TAMM41: variants seen among roughly 807,000 people sequenced by gnomAD.
The protein encoded by TAMM41 is phosphatidate cytidylyltransferase, mitochondrial.
In TAMM41, 36 loss-of-function variants were observed where a neutral mutation model predicts 44.1. The observed-to-expected ratio is 0.82, with a 90% CI of 0.63 to 1.08. The LOEUF (loss-of-function observed/expected upper bound fraction) is 1.08. Ranked by LOEUF, TAMM41 falls within the 50% of genes least tolerant of loss-of-function variation. The pLI is 0.00. For missense variants in TAMM41, 417 were observed against 404.3 expected (o/e 1.03, Z -0.27); for synonymous variants, 164 against 153.1 (o/e 1.07, Z -0.53).
At chr3:11,809,482 C>G (rs199799633) in intron 6 of TAMM41, 35 bp downstream of exon 6, 2 of 1,610,010 alleles carry the variant, frequency 1.2e-6, no homozygotes, top group East Asian at 4.5e-5. Context: ...TTCCCCATGG[C>G]TGGCATTTCC....
At chr3:11,781,463 G>A in the TAMM41 span, among the ~76,000 whole-genome samples, 20 of 152,148 alleles carry the variant, frequency 1.3e-4, no homozygotes, top group Middle Eastern at 3.4e-3. Flanking sequence ...GGTCAGGTGC[G>A]GTGGCTCACA....
the TAMM41 span, among the ~76,000 whole-genome samples, chr3:11,749,706 G>A: frequency 1.3e-5 from 2 of 152,152 alleles, no homozygotes; most frequent in African/African-American, 4.8e-5. Flanking sequence ...ATATGAAGCG[G>A]AAGGGAGGGC....
intron 3 of TAMM41, among the ~76,000 whole-genome samples, chr3:11,834,465 G>A (rs767336403): frequency 2.0e-4 from 30 of 151,966 alleles, no homozygotes; most frequent in Non-Finnish European, 3.2e-4. Flanking sequence ...TACTTTAGAG[G>A]TTTCTTGGCT....
At chr3:11,843,368 G>C (rs2079534191) in intron 2 of TAMM41, among the ~76,000 whole-genome samples, 1 of 151,552 alleles carries the variant, frequency 6.6e-6, no homozygotes, top group East Asian at 1.9e-4. Flanking sequence ...CAATCTGTGT[G>C]TCCAATGGAC....
chr3:11,787,851 T>G (rs978935210), downstream of TAMM41, among the ~76,000 whole-genome samples: 1 of 152,220 alleles, frequency 6.6e-6, no homozygotes, highest in Admixed American at 6.5e-5. Context: ...TTGAGCCTTC[T>G]GGAATGAGAA....
At chr3:11,818,440 T>C (rs944804568) in intron 4 of TAMM41, among the ~76,000 whole-genome samples, 1 of 152,224 alleles carries the variant, frequency 6.6e-6, no homozygotes, top group South Asian at 2.1e-4. Context: ...TGGATTTTCC[T>C]AGTGCAAACT....
At chr3:11,802,127 A>G (rs2077772828) in intron 7 of TAMM41, among the ~76,000 whole-genome samples, 1 of 152,168 alleles carries the variant, frequency 6.6e-6, no homozygotes, top group African/African-American at 2.4e-5. Context: ...CTGAGGTGGG[A>G]GGATTGCTTA....
rs2077452653 is a variant in TAMM41 at position 11,790,518 on chromosome 3, C to G, written c.1001G>C (p.Arg334Thr). Residue 334 changes from arginine to threonine, a missense_variant, in exon 8 of 8, where the codon AGG becomes ACG. Coordinates refer to ENST00000455809, the MANE Select transcript of TAMM41 (RefSeq NM_001284401.2). ...AAGCAAGCAAAATCAGGATGTTTTC[C>G]TCAGCCACCCTTTCCACATTTTGTG... ...KLHKMWKGWL[R>T]KTS The G allele has an allele frequency of 6.2e-7, 1 of 1,613,942 alleles. No homozygotes were observed. Among genetic ancestry groups the G allele is most frequent in the African/African-American group, 1.3e-5 (1 of 74,932 alleles).
the TAMM41 span, among the ~76,000 whole-genome samples, chr3:11,744,879 T>TC: frequency 6.6e-5 from 10 of 151,164 alleles, no homozygotes; most frequent in Non-Finnish European, 1.0e-4. Flanking sequence ...ATTTTTTTTT[T>TC]TTGAGATGGA....
chr3:11,773,042 C>T, the TAMM41 span, among the ~76,000 whole-genome samples: 5 of 152,058 alleles, frequency 3.3e-5, no homozygotes, highest in African/African-American at 9.7e-5. Flanking sequence ...CTGCAACCTT[C>T]GCCTCCCGGG....
chr3:11,815,941 A>G (rs752750539), intron 5 of TAMM41, among the ~76,000 whole-genome samples: 18 of 152,232 alleles, frequency 1.2e-4, no homozygotes, highest in Non-Finnish European at 2.1e-4. Context: ...AACTTGAGGT[A>G]TCATTTGGCT....
intron 1 of TAMM41, 109 bp from the exon 2 acceptor site, chr3:11,844,320 G>T: frequency 3.0e-6 from 3 of 1,010,080 alleles, no homozygotes; most frequent in African/African-American, 1.6e-5. Context: ...TAGTCAGAAG[G>T]CCTGGTGCTG....
At chr3:11,768,500 C>T in the TAMM41 span, among the ~76,000 whole-genome samples, 3 of 152,198 alleles carry the variant, frequency 2.0e-5, no homozygotes, top group Non-Finnish European at 4.4e-5. Context: ...GTATTTCCCA[C>T]AATTTTATGT....
chr3:11,731,484 C>G, the TAMM41 span, among the ~76,000 whole-genome samples: 1 of 152,004 alleles, frequency 6.6e-6, no homozygotes, highest in Non-Finnish European at 1.5e-5. Context: ...GACGGAGACC[C>G]TGTCTCTACA....
chr3:11,739,852 C>T, the TAMM41 span, among the ~76,000 whole-genome samples: 1 of 152,036 alleles, frequency 6.6e-6, no homozygotes, highest in Non-Finnish European at 1.5e-5. Flanking sequence ...TTGTTTCTTT[C>T]CCCCGGCTTC....
At chr3:11,844,630 C>G (rs1216172084) in intron 1 of TAMM41, among the ~76,000 whole-genome samples, 1 of 152,234 alleles carries the variant, frequency 6.6e-6, no homozygotes, top group Non-Finnish European at 1.5e-5. Context: ...CACTGCACTA[C>G]ACTGCCTTTC....
chr3:11,821,616 G>C (rs1268548312), intron 4 of TAMM41, among the ~76,000 whole-genome samples: 1 of 152,244 alleles, frequency 6.6e-6, no homozygotes, highest in Non-Finnish European at 1.5e-5. Flanking sequence ...TAAGGTATTA[G>C]AGAATGCTTT....
the TAMM41 span, among the ~76,000 whole-genome samples, chr3:11,737,993 C>T: frequency 2.0e-5 from 3 of 152,198 alleles, no homozygotes; most frequent in Non-Finnish European, 2.9e-5. Flanking sequence ...ACTGCTGCTG[C>T]TCTTATGTCA....
At chr3:11,723,136 A>AAT in the TAMM41 span, among the ~76,000 whole-genome samples, 2 of 151,880 alleles carry the variant, frequency 1.3e-5, no homozygotes, top group African/African-American at 4.8e-5. Context: ...AATAAAATAA[A>AAT]AACAAAATAA....
Sources: gnomAD v4.1 joint callset for allele counts (sites outside exome capture counted in the v4.1 genomes callset) on GRCh38, gnomAD v4.1.1 for gene constraint, MANE v1.5 for transcripts, NCBI Gene and HGNC (gene_info 2026-07-23, HGNC 2026-07-21) for gene names.